Variants in PCNX2 observed in about 807,000 individuals in gnomAD.
The protein encoded by PCNX2 is pecanex-like protein 2.
PCNX2 carries 168 observed loss-of-function variants against 223.8 expected under a neutral mutation model. The ratio of observed to expected loss-of-function variants is 0.75; its 90% CI spans 0.66 to 0.85. The LOEUF is 0.85. PCNX2 is among the 40% of genes least tolerant of loss of function. The pLI, the probability that PCNX2 is intolerant of heterozygous loss-of-function variation, is 0.00. For synonymous variants in PCNX2, 1,006 were observed against 1,052.6 expected, an observed-to-expected ratio of 0.96 and a Z score of 0.86; for missense variants, 2,507 against 2,675.5, an observed-to-expected ratio of 0.94 and a Z score of 1.39.
chr1:232,999,770 A>T (rs1407892119), intron 30 of PCNX2: 1 of 216,488 alleles, frequency 4.6e-6, no homozygotes, highest in Non-Finnish European at 9.2e-6. Context: ...ATCTGTGACT[A>T]CAAAACTTTG....
the PCNX2 span, among the ~76,000 whole-genome samples, chr1:233,316,507 G>T: frequency 3.3e-5 from 5 of 152,214 alleles, no homozygotes; most frequent in African/African-American, 1.2e-4. Flanking sequence ...AAGAGAAAAA[G>T]GCTAATTTAC....
At chr1:233,319,686 T>C in the PCNX2 span, among the ~76,000 whole-genome samples, 10 of 152,236 alleles carry the variant, frequency 6.6e-5, no homozygotes, top group African/African-American at 2.2e-4. Flanking sequence ...AGAGTTTATT[T>C]CCCTTTGTGG....
intron 2 of PCNX2, 138 bp from the exon 3 acceptor site, chr1:233,262,303 T>C (rs1660097262): frequency 2.7e-6 from 3 of 1,120,712 alleles, no homozygotes; most frequent in East Asian, 2.7e-5. Flanking sequence ...TTTTTTGTTG[T>C]TGTTAAGAGA....
At chr1:233,186,835 C>CG (rs1484070125) in intron 15 of PCNX2, among the ~76,000 whole-genome samples, 1 of 152,040 alleles carries the variant, frequency 6.6e-6, no homozygotes, top group Non-Finnish European at 1.5e-5. Context: ...GACAGAATAA[C>CG]GGGTCCCACG....
At chr1:233,266,030 G>A (rs1660312555) in intron 1 of PCNX2, among the ~76,000 whole-genome samples, 4 of 152,150 alleles carry the variant, frequency 2.6e-5, no homozygotes, top group Admixed American at 2.6e-4. Flanking sequence ...GTGAGAACAG[G>A]CCCTTGCCTC....
intron 1 of PCNX2, among the ~76,000 whole-genome samples, chr1:233,264,650 G>A (rs922642750): frequency 2.6e-5 from 4 of 152,154 alleles, no homozygotes; most frequent in African/African-American, 9.7e-5. Flanking sequence ...CAATAAATAA[G>A]TGACGGAATA....
intron 25 of PCNX2, among the ~76,000 whole-genome samples, chr1:233,027,264 T>C (rs1327842437): frequency 6.6e-6 from 1 of 151,956 alleles, no homozygotes; most frequent in Non-Finnish European, 1.5e-5. Context: ...GCAAGACGGG[T>C]TGTGGTGGAA....
intron 1 of PCNX2, among the ~76,000 whole-genome samples, chr1:233,283,015 G>C (rs548983029): frequency 7.1e-5 from 7 of 99,024 alleles, no homozygotes; most frequent in African/African-American, 2.3e-4. Context: ...CTGGTGATGC[G>C]TATTCTAAAA....
intron 23 of PCNX2, among the ~76,000 whole-genome samples, chr1:233,061,462 G>A (rs1169278110): frequency 2.0e-5 from 3 of 152,190 alleles, no homozygotes; most frequent in African/African-American, 7.2e-5. Context: ...CCATCAGGGT[G>A]AGCACTGCCT....
chr1:233,149,309 T>A (rs1677654191), intron 19 of PCNX2, among the ~76,000 whole-genome samples: 1 of 152,212 alleles, frequency 6.6e-6, no homozygotes. Context: ...GCTACTAAAA[T>A]AAGTTCTTCT....
rs1025118859 is a variant in PCNX2 at position 233,135,182 on chromosome 1, A to G, written c.3668T>C (p.Ile1223Thr). 2 of 1,613,348 alleles carry G rather than the reference A, an allele frequency of 1.2e-6. No individual in the cohort carries two copies. The highest frequency in any genetic ancestry group is 2.7e-5 in the African/African-American group (2 of 75,020). ...NHRRLGTHWD[I>T]FLMIIAGMKL... Reference sequence around the variant, plus strand: ...CATGCCAGCAATGATCATCAGAAAAATGTCCCAGCTGTTGGAAACAAAAGA... The same window carrying G: ...CATGCCAGCAATGATCATCAGAAAAGTGTCCCAGCTGTTGGAAACAAAAGA... Residue 1223 changes from isoleucine (I) to threonine (T), a missense_variant, in exon 21 of 34, where the codon ATT becomes ACT. This residue lies in a region of PCNX2 where 1,372 missense variants were observed against 1,509.4 expected (regional missense o/e 0.91). Transcript: ENST00000258229.
intron 23 of PCNX2, among the ~76,000 whole-genome samples, chr1:233,065,954 A>T (rs1672586548): frequency 6.6e-6 from 1 of 152,186 alleles, no homozygotes; most frequent in Non-Finnish European, 1.5e-5. Flanking sequence ...AAAGTCCCCA[A>T]CTGCAGTGAG....
chr1:233,260,112 T>A (rs1432979453), intron 4 of PCNX2, among the ~76,000 whole-genome samples: 1 of 152,144 alleles, frequency 6.6e-6, no homozygotes, highest in African/African-American at 2.4e-5. Flanking sequence ...CCAACTAGGA[T>A]GGTATCTTTT....
At chr1:233,024,220 C>T (rs1018418106) in intron 26 of PCNX2, among the ~76,000 whole-genome samples, 4 of 152,190 alleles carry the variant, frequency 2.6e-5, no homozygotes. Context: ...TGGATTTATT[C>T]CAAATTTCTC....
intron 15 of PCNX2, among the ~76,000 whole-genome samples, chr1:233,187,717 T>A (rs1037272715): frequency 1.3e-5 from 2 of 152,166 alleles, no homozygotes; most frequent in African/African-American, 4.8e-5. Flanking sequence ...TCAATTCTAC[T>A]TTTTTGCTGA....
At chr1:233,068,021 T>C (rs907007116) in intron 23 of PCNX2, among the ~76,000 whole-genome samples, 3 of 152,078 alleles carry the variant, frequency 2.0e-5, no homozygotes, top group African/African-American at 7.2e-5. Flanking sequence ...AAACACATTA[T>C]AGTCAAGCTT....
chr1:233,179,996 G>A (rs1412764572), intron 15 of PCNX2, among the ~76,000 whole-genome samples: 1 of 152,222 alleles, frequency 6.6e-6, no homozygotes, highest in East Asian at 1.9e-4. Context: ...CAGTAAGGAC[G>A]ACCCAAATGT....
At chr1:233,181,389 G>A (rs1277231783) in intron 15 of PCNX2, among the ~76,000 whole-genome samples, 1 of 151,870 alleles carries the variant, frequency 6.6e-6, no homozygotes, top group Non-Finnish European at 1.5e-5. Flanking sequence ...GTAGAGACGG[G>A]GTTTCACCAT....
intron 23 of PCNX2, among the ~76,000 whole-genome samples, chr1:233,065,078 A>T (rs1672542747): frequency 6.6e-6 from 1 of 152,178 alleles, no homozygotes; most frequent in African/African-American, 2.4e-5. Context: ...TTATCATGAC[A>T]GGGTCTGAAT....
Sources: gnomAD v4.1 joint callset for allele counts (sites outside exome capture counted in the v4.1 genomes callset) on GRCh38, gnomAD v4.1.1 for gene constraint, gnomAD v4.1.1 regional missense constraint, MANE v1.5 for transcripts, NCBI Gene and HGNC (gene_info 2026-07-23, HGNC 2026-07-21) for gene names.